CCDC141: variants seen among roughly 807,000 people sequenced by gnomAD.
The protein encoded by CCDC141 is coiled-coil domain-containing protein 141.
Under a neutral mutation model 181.0 loss-of-function variants are expected in CCDC141, and 168 were observed. The ratio of observed to expected loss-of-function variants is 0.93; its 90% CI spans 0.82 to 1.05. The LOEUF (loss-of-function observed/expected upper bound fraction) is 1.05, where lower values mean the gene tolerates loss of function less well. Ranked by LOEUF, CCDC141 falls within the 50% of genes least tolerant of loss-of-function variation. The pLI is 0.00. For synonymous variants in CCDC141, 666 were observed against 642.3 expected, an observed-to-expected ratio of 1.04 and a Z score of -0.56; for missense variants, 1,902 against 1,788.5, an observed-to-expected ratio of 1.06 and a Z score of -1.14.
At chr2:179,041,913 G>T (rs1460551480) in intron 2 of CCDC141, among the ~76,000 whole-genome samples, 1 of 152,138 alleles carries the variant, frequency 6.6e-6, no homozygotes, top group East Asian at 1.9e-4. Flanking sequence ...GATTCATAAA[G>T]CAAGTTCTTA....
At chr2:178,983,514 T>A (rs920568259) in intron 2 of CCDC141, among the ~76,000 whole-genome samples, 1 of 149,258 alleles carries the variant, frequency 6.7e-6, no homozygotes, top group Non-Finnish European at 1.5e-5. Context: ...ATCAAATTAT[T>A]CTGAGCTACG....
chr2:178,853,411 A>T lies in CCDC141; in HGVS notation c.3244+30T>A, dbSNP rs1243440798. On this transcript the variant is annotated intron_variant, in intron 20 of 23. Coordinates refer to ENST00000443758, the MANE Select transcript of CCDC141 (RefSeq NM_173648.4). ...CTCAGTATAGATTTGTTCAATGGCC[A>T]ATCACTGGATATCTTAAAAGAGATC... 4 of 1,604,106 alleles carry T rather than the reference A, an allele frequency of 2.5e-6. No homozygotes were observed. In the Admixed American group the frequency reaches 6.8e-5, roughly 27 times the overall value.
At chr2:178,880,889 A>G (rs1267196093) in intron 11 of CCDC141, among the ~76,000 whole-genome samples, 2 of 152,222 alleles carry the variant, frequency 1.3e-5, no homozygotes, top group Non-Finnish European at 2.9e-5. Flanking sequence ...AAGGAAAAGC[A>G]TATTTGAGGA....
At chr2:179,039,447 G>T (rs2043233994) in intron 2 of CCDC141, among the ~76,000 whole-genome samples, 1 of 151,998 alleles carries the variant, frequency 6.6e-6, no homozygotes, top group African/African-American at 2.4e-5. Context: ...TCTTTGAAAA[G>T]CAGCATGTAC....
chr2:179,042,562 G>C (rs1430395885), intron 2 of CCDC141, among the ~76,000 whole-genome samples: 1 of 152,086 alleles, frequency 6.6e-6, no homozygotes. Flanking sequence ...TAGCCAGGCT[G>C]GTCTCAAATT....
intron 6 of CCDC141, among the ~76,000 whole-genome samples, chr2:178,935,913 C>G (rs1689267262): frequency 6.6e-6 from 1 of 151,930 alleles, no homozygotes; most frequent in African/African-American, 2.4e-5. Flanking sequence ...AGTGTCTGTT[C>G]ATGTCCTTTA....
intron 2 of CCDC141, among the ~76,000 whole-genome samples, chr2:179,006,862 AT>A (rs1237240139): frequency 1.3e-5 from 2 of 152,032 alleles, no homozygotes; most frequent in African/African-American, 2.4e-5. Flanking sequence ...CCACCTATTG[AT>A]TTTTTTCTTT....
chr2:178,855,412 T>C lies in CCDC141; in HGVS notation c.2995A>G (p.Lys999Glu), dbSNP rs546887665. The C allele has an allele frequency of 1.9e-6, 3 of 1,612,218 alleles. No homozygotes were observed. The highest frequency in any genetic ancestry group is 2.7e-5 in the African/African-American group (2 of 74,964). ...DLQKHVDDFD[K>E]VVTDYKKNLD... ...TTCTTCTTGTAATCTGTCACAACTT[T>C]GTCAAAGTCATCCACATGTTTTTGC... is the stretch of plus-strand genomic sequence containing the variant. The change falls in exon 19 of 24, where the codon AAA becomes GAA. Residue 999 changes from lysine (K) to glutamate (E), a missense_variant. By Grantham distance (56) the Lys-to-Glu change is moderately conservative. Transcript: ENST00000443758.
At chr2:179,048,488 T>C (rs2043572683) in intron 1 of CCDC141, among the ~76,000 whole-genome samples, 1 of 152,212 alleles carries the variant, frequency 6.6e-6, no homozygotes, top group African/African-American at 2.4e-5. Context: ...CCTCTGATTC[T>C]TCTGTAATTT....
At chr2:179,029,472 T>G (rs2154386684) in intron 2 of CCDC141, among the ~76,000 whole-genome samples, 1 of 152,348 alleles carries the variant, frequency 6.6e-6, no homozygotes, top group East Asian at 1.9e-4. Context: ...GACTGGCATA[T>G]AGTAGATGAT....
At chr2:178,943,599 TCTA>T (rs1689609552) in intron 6 of CCDC141, among the ~76,000 whole-genome samples, 1 of 152,112 alleles carries the variant, frequency 6.6e-6, no homozygotes, top group South Asian at 2.1e-4. Flanking sequence ...ATGACTTAGC[TCTA>T]CTTACAACTA....
At chr2:178,970,515 T>G (rs1311593232) in intron 4 of CCDC141, among the ~76,000 whole-genome samples, 2 of 152,172 alleles carry the variant, frequency 1.3e-5, no homozygotes, top group African/African-American at 4.8e-5. Context: ...AAACATGCAA[T>G]GGGGAAAATA....
chr2:178,996,561 C>G (rs567746790), intron 2 of CCDC141, among the ~76,000 whole-genome samples: 1 of 152,228 alleles, frequency 6.6e-6, no homozygotes, highest in South Asian at 2.1e-4. Context: ...GCCTTTGGAA[C>G]CTGTTAGGCT....
At chr2:178,948,204 T>TA (rs56840812) in intron 5 of CCDC141, among the ~76,000 whole-genome samples, 27,167 of 144,238 alleles carry the variant, frequency 0.19, 2,490 homozygotes, top group Middle Eastern at 0.24. Context: ...CCTATCTCAA[T>TA]AAAAAAAAAA....
At chr2:179,024,388 T>G (rs934579205) in intron 2 of CCDC141, among the ~76,000 whole-genome samples, 1 of 152,266 alleles carries the variant, frequency 6.6e-6, no homozygotes, top group East Asian at 1.9e-4. Flanking sequence ...CATGAATATA[T>G]GTATTCATTC....
rs538619741 is a variant in CCDC141, at chr2:178,884,989, G to T, written c.1631C>A (p.Ala544Glu). The stretch of plus-strand genomic sequence containing the variant: ...TTGGCCAAATAGGTTTAATTCTTCT[G>T]CTAGCCATCTAGCTTTAGAGGAAAG... ...VSLSSKARWL[A>E]EELNLFGQSI... The change falls in exon 11 of 24, where the codon GCA (alanine) becomes GAA (glutamate). Residue 544 changes from alanine (A) to glutamate (E), a missense_variant. Transcript: ENST00000443758. 1.3e-6 allele frequency: 2 copies of T among 1,550,314 alleles called. No individual in the cohort carries two copies. Among genetic ancestry groups the T allele is most frequent in the East Asian group, 2.4e-5 (1 of 40,918 alleles).
intron 12 of CCDC141, chr2:178,876,557 T>G (rs1349951133): frequency 2.0e-5 from 3 of 152,210 alleles, no homozygotes; most frequent in African/African-American, 7.2e-5. Context: ...CATTATAGAC[T>G]TAATACAAAG....
chr2:178,908,340 A>C (rs1383847671), intron 7 of CCDC141, among the ~76,000 whole-genome samples: 1 of 152,036 alleles, frequency 6.6e-6, no homozygotes, highest in East Asian at 1.9e-4. Context: ...GACTATAGGC[A>C]CACACCACCA....
At chr2:178,929,531 A>C (rs1689022624) in intron 6 of CCDC141, among the ~76,000 whole-genome samples, 4 of 134,466 alleles carry the variant, frequency 3.0e-5, no homozygotes, top group African/African-American at 1.1e-4. Flanking sequence ...CTTCTGAGGA[A>C]ATATTCCTAT....
Sources: gnomAD v4.1 joint callset for allele counts (sites outside exome capture counted in the v4.1 genomes callset) on GRCh38, gnomAD v4.1.1 for gene constraint, MANE v1.5 for transcripts, NCBI Gene and HGNC (gene_info 2026-07-23, HGNC 2026-07-21) for gene names.